Variants in PRODH2 observed in about 807,000 individuals in gnomAD.
The protein encoded by PRODH2 is hydroxyproline dehydrogenase.
In PRODH2, 49 loss-of-function variants were observed where a neutral mutation model predicts 51.9. That is an observed-to-expected ratio of 0.94 (90% CI 0.75 to 1.20). The LOEUF is 1.20. Ranked by LOEUF, PRODH2 falls within the 50% of genes most tolerant of loss-of-function variation. PRODH2 has a pLI of 0.00. For missense variants in PRODH2, 597 were observed against 610.9 expected (o/e 0.98, Z 0.24); for synonymous variants, 249 against 260.7 (o/e 0.96, Z 0.43).
intron 7 of PRODH2, among the ~76,000 whole-genome samples, chr19:35,803,884 C>T (rs1235989761): frequency 6.6e-6 from 1 of 152,214 alleles, no homozygotes; most frequent in Non-Finnish European, 1.5e-5. Context: ...AAACACCTTG[C>T]AAGCATGCTG....
intron 4 of PRODH2, among the ~76,000 whole-genome samples, chr19:35,809,218 C>T (rs896461113): frequency 6.6e-6 from 1 of 151,898 alleles, no homozygotes; most frequent in Admixed American, 6.6e-5. Flanking sequence ...CTTAGCCTCC[C>T]AAGTAGCCAG....
rs137987475 is a variant in PRODH2 at position 35,802,264 on chromosome 19, C to A, written c.1125G>T (p.Leu375=). The change falls in exon 9 of 10, where the codon CTG becomes CTT. Residue 375 remains leucine (L), a synonymous_variant. Transcript: ENST00000653904. ...VRQATKRMWE[L]GIPLDGTVCF... ...AGACAGTCCCATCCAGAGGAATGCC[C>A]AGCTCCCACATGCTACAGAAAAGGC... is the stretch of plus-strand genomic sequence containing the variant. 1,076 of 1,614,054 alleles carry A rather than the reference C, an allele frequency of 6.7e-4. No homozygotes were observed. The highest frequency in any genetic ancestry group is 1.3e-3 in the Middle Eastern group (8 of 6,084).
At position 35,812,650 on chromosome 19, in the gene PRODH2, G is replaced by A. The variant is rs200283246; in HGVS notation, c.156C>T (p.Leu52=). ...TGCTCACCAACAGCCCGTGAGTGAC[G>A]AGTGGGGGCCAGGCACACAGCCGGA... ...LVLRLCAWPP[L]VTHGLLLQAW... is the part of the protein sequence containing the mutation. Residue 52 remains leucine, a synonymous_variant, in exon 1 of 10, where the codon CTC becomes CTT. Transcript: ENST00000653904. 54 of 1,593,762 alleles carry A rather than the reference G, an allele frequency of 3.4e-5. No individual in the cohort carries two copies. The highest frequency in any genetic ancestry group is 1.4e-4 in the Admixed American group (8 of 58,674).
intron 4 of PRODH2, among the ~76,000 whole-genome samples, chr19:35,810,160 C>A (rs566951520): frequency 1.5e-5 from 2 of 135,472 alleles, no homozygotes; most frequent in Admixed American, 1.5e-4. Context: ...CCCAGCTACT[C>A]GGGAGGCTGA....
intron 7 of PRODH2, among the ~76,000 whole-genome samples, chr19:35,803,586 G>A (rs1484684267): frequency 4.6e-5 from 7 of 152,202 alleles, no homozygotes; most frequent in Non-Finnish European, 1.0e-4. Context: ...GTGAGTTTCC[G>A]AGCAACACTG....
intron 4 of PRODH2, among the ~76,000 whole-genome samples, chr19:35,810,457 C>G (rs183953176): frequency 6.6e-6 from 1 of 150,740 alleles, no homozygotes; most frequent in African/African-American, 2.4e-5. Context: ...CTATTGGAAA[C>G]AGTGGGGGCC....
chr19:35,812,197 G>C lies in PRODH2; in HGVS notation c.447C>G (p.Pro149=), dbSNP rs1972622633. Reference sequence around the variant, plus strand: ...GCATGAGGCTGGCCTCAGCCAGGCTGGGGGGCTCCAGGAGGCCCCGTGACA... The same window carrying C: ...GCATGAGGCTGGCCTCAGCCAGGCTCGGGGGCTCCAGGAGGCCCCGTGACA... ...VDLSRGLLEP[P]SLAEASLMQL... The change falls in exon 3 of 10, where the codon CCC becomes CCG. Residue 149 remains proline, a synonymous_variant. Coordinates refer to ENST00000653904, the MANE Select transcript of PRODH2 (RefSeq NM_021232.2). The C allele has an allele frequency of 1.2e-6, 2 of 1,613,938 alleles. No homozygotes were observed. The highest frequency in any genetic ancestry group is 1.7e-6 in the Non-Finnish European group (2 of 1,180,032).
At chr19:35,811,901 G>A (rs1462811802) in intron 4 of PRODH2, 61 bp downstream of exon 4, 15 of 1,506,988 alleles carry the variant, frequency 1.0e-5, no homozygotes, top group Admixed American at 1.7e-5. Context: ...TCTGGCGTGC[G>A]GTGTGGCCGC....
chr19:35,809,135 T>A (rs1181928633), intron 4 of PRODH2, among the ~76,000 whole-genome samples: 1 of 151,640 alleles, frequency 6.6e-6, no homozygotes, highest in Admixed American at 6.6e-5. Context: ...TTCCTTTCCT[T>A]CCTTCCTTCC....
chr19:35,806,551 C>T lies in PRODH2; in HGVS notation c.880G>A (p.Ala294Thr). Residue 294 changes from alanine (A) to threonine (T), a missense_variant, in exon 7 of 10, where the codon GCC becomes ACC. By Grantham distance (58) the Ala-to-Thr change is moderately conservative. Transcript: ENST00000653904. ...AGCTTCACTCCGAAGGCCAGGCCGG[C>T]CCTGTGCGCAGCCTCTGCATCCCTC... ...LGRDAEAAHRAGLAFGVKLVR... is the reference protein window; with the variant it reads ...LGRDAEAAHRTGLAFGVKLVR... The T allele has an allele frequency of 1.2e-6, 2 of 1,614,154 alleles. No homozygotes were observed. The highest frequency in any genetic ancestry group is 1.7e-6 in the Non-Finnish European group (2 of 1,180,020).
intron 7 of PRODH2, 135 bp from the exon 8 acceptor site, chr19:35,803,213 A>G: frequency 2.1e-6 from 1 of 477,590 alleles, no homozygotes; most frequent in Non-Finnish European, 3.6e-6. Context: ...TGTAAGGGAC[A>G]TCACTTCTCT....
In PRODH2 at chr19:35,803,043, ACGTG is replaced by A. The variant is rs1460892135; in HGVS notation, c.1033_1036del (p.His345TrpfsTer52). On this transcript the variant is annotated frameshift_variant, in exon 8 of 10. Coordinates refer to ENST00000653904, the MANE Select transcript of PRODH2 (RefSeq NM_021232.2). LOFTEE classifies it high-confidence loss of function. ...GTGGCACATGGGGCCATGGCGGGCC[ACGTG>A]CGTCAGCATCAGTTCCAGGCAGCGG... 18 of 1,568,052 alleles carry A rather than the reference ACGTG, an allele frequency of 1.1e-5. No individual in the cohort carries two copies. Among genetic ancestry groups the A allele is most frequent in the Non-Finnish European group, 1.6e-5 (18 of 1,153,310 alleles).
intron 7 of PRODH2, among the ~76,000 whole-genome samples, chr19:35,805,617 G>T (rs1259330144): frequency 6.6e-6 from 1 of 152,104 alleles, no homozygotes; most frequent in East Asian, 1.9e-4. Context: ...GCTATGTTGT[G>T]CAGATTGGGC....
At position 35,809,969 on chromosome 19, in the gene PRODH2, A is replaced by AAAAAAAAC. The variant is rs1315522517; in HGVS notation, c.597+1992_597+1993insGTTTTTTT. Among the ~76,000 whole-genome samples, 22 of 122,232 alleles carry AAAAAAAAC rather than the reference A, an allele frequency of 1.8e-4. 3 individuals carry two copies. In the Admixed American group the frequency reaches 1.9e-3, roughly 10 times the overall value. The allele number at this position is 122,232 out of a possible 152,430, so 80.2% of individuals were successfully genotyped here. ...GCCAGATGCCGCTTCAAAAAAAAAA[A>AAAAAAAAC]AAAAAAAAAAAAAAAACGCTGGGCG... On this transcript the variant is annotated intron_variant, in intron 4 of 9. Coordinates refer to ENST00000653904, the MANE Select transcript of PRODH2 (RefSeq NM_021232.2).
At chr19:35,806,071 T>TTTTGTTTGTTTG (rs3030901) in intron 7 of PRODH2, among the ~76,000 whole-genome samples, 2,783 of 150,110 alleles carry the variant, frequency 0.019, 32 homozygotes, top group African/African-American at 0.03. Context: ...TTTTGTTTTG[T>TTTTGTTTGTTTG]TTTGTTTGTT....
In PRODH2 at chr19:35,800,120, T is replaced by A. The variant is rs202086828; in HGVS notation, c.1301A>T (p.Gln434Leu). 183 of 1,609,780 alleles carry A rather than the reference T, an allele frequency of 1.1e-4. 2 individuals are homozygous for A. The South Asian group carries it at 1.2e-3, about 11-fold the overall frequency. ...RRAQENRSVL[Q>L]GARREQELLS... Reference sequence around the variant, plus strand: ...CAGCTCCTGTTCCCTGCGGGCACCCTGAAGCACGCTCCGGTTCTCCTGGGC... The same window carrying A: ...CAGCTCCTGTTCCCTGCGGGCACCCAGAAGCACGCTCCGGTTCTCCTGGGC... Residue 434 changes from glutamine to leucine, a missense_variant, in exon 10 of 10, where the codon CAG (glutamine) becomes CTG (leucine). Transcript: ENST00000653904.
intron 7 of PRODH2, among the ~76,000 whole-genome samples, chr19:35,805,262 G>C (rs533409986): frequency 2.6e-5 from 4 of 152,018 alleles, no homozygotes; most frequent in African/African-American, 9.7e-5. Context: ...TAAAATAATA[G>C]TGCAAATTAT....
At chr19:35,806,386 T>G (rs769834314) in intron 7 of PRODH2, 44 bp downstream of exon 7, 16 of 1,609,760 alleles carry the variant, frequency 9.9e-6, no homozygotes, top group Admixed American at 1.7e-5. Context: ...ACCCAACCAC[T>G]AGGTGTTATT....
rs772742149 is a variant in PRODH2, at chr19:35,802,251, C to A, written c.1138G>T (p.Asp380Tyr). The A allele has an allele frequency of 1.9e-6, 3 of 1,614,130 alleles. No homozygotes were observed. In the East Asian group the frequency reaches 6.7e-5, roughly 36 times the overall value. ...KRMWELGIPL[D>Y]GTVCFGQLLG... is the part of the protein sequence containing the mutation. Reference sequence around the variant, plus strand: ...AGTTGTCCGAAACAGACAGTCCCATCCAGAGGAATGCCCAGCTCCCACATG... The same window carrying A: ...AGTTGTCCGAAACAGACAGTCCCATACAGAGGAATGCCCAGCTCCCACATG... The change falls in exon 9 of 10, where the codon GAT (aspartate) becomes TAT (tyrosine). Residue 380 changes from aspartate (D) to tyrosine (Y), a missense_variant. Coordinates refer to ENST00000653904, the MANE Select transcript of PRODH2 (RefSeq NM_021232.2).
Sources: allele counts gnomAD v4.1 joint callset (sites outside exome capture counted in the v4.1 genomes callset), GRCh38; gene constraint gnomAD v4.1.1; transcripts MANE v1.5; gene names NCBI Gene and HGNC (gene_info 2026-07-23, HGNC 2026-07-21).